DLGAP2: variants seen among roughly 807,000 people sequenced by gnomAD.
DLGAP2 encodes DLG associated protein 2, also known as disks large-associated protein 2.
A neutral mutation model predicts 100.3 loss-of-function variants in DLGAP2; 26 were observed. That is an observed-to-expected ratio of 0.26 (90% confidence interval 0.19 to 0.36). The LOEUF is 0.36. Ranked by LOEUF, DLGAP2 falls within the 10% of genes least tolerant of loss-of-function variation. The pLI, the probability that DLGAP2 is intolerant of heterozygous loss-of-function variation, is 1.00. For missense variants in DLGAP2, 1,858 were observed against 1,453.2 expected (o/e 1.28, Z -4.53); for synonymous variants, 886 against 630.1 (o/e 1.41, Z -6.08).
chr8:1,489,004 A>G (rs190920158), intron 3 of DLGAP2, among the ~76,000 whole-genome samples: 2 of 152,326 alleles, frequency 1.3e-5, no homozygotes, highest in African/African-American at 4.8e-5. Context: ...CTCAACTCGC[A>G]TTCAGCTTAA....
intron 10 of DLGAP2, among the ~76,000 whole-genome samples, chr8:1,671,930 G>A (rs1226975627): frequency 7.9e-5 from 12 of 152,248 alleles, no homozygotes; most frequent in African/African-American, 2.2e-4. Context: ...GAGCTACCTC[G>A]GAGACGTCCT....
intron 3 of DLGAP2, among the ~76,000 whole-genome samples, chr8:1,318,897 G>C (rs894447121): frequency 1.3e-5 from 2 of 150,084 alleles, no homozygotes; most frequent in African/African-American, 4.9e-5. Flanking sequence ...GAAGGGTCCA[G>C]TGGGTCCCCA....
chr8:847,339 C>T (rs577116387), intron 1 of DLGAP2, among the ~76,000 whole-genome samples: 50 of 152,068 alleles, frequency 3.3e-4, no homozygotes, highest in Middle Eastern at 3.4e-3. Context: ...TCATTGATAC[C>T]GGCTATTAGT....
chr8:1,146,347 G>T (rs1211552750), intron 2 of DLGAP2, among the ~76,000 whole-genome samples: 1 of 152,210 alleles, frequency 6.6e-6, no homozygotes, highest in Non-Finnish European at 1.5e-5. Context: ...ACGGATTCCA[G>T]ATATGAGGCC....
chr8:825,683 A>AT (rs2132693386), intron 1 of DLGAP2, among the ~76,000 whole-genome samples: 1 of 151,892 alleles, frequency 6.6e-6, no homozygotes, highest in Admixed American at 6.6e-5. Context: ...GGTCTCATTG[A>AT]TTTTCTTTTT....
intron 2 of DLGAP2, among the ~76,000 whole-genome samples, chr8:1,054,003 A>C (rs973025766): frequency 2.0e-5 from 3 of 152,020 alleles, no homozygotes; most frequent in African/African-American, 7.2e-5. Flanking sequence ...CAGTACAACA[A>C]ATGTGTTACA....
chr8:1,526,581 G>A (rs1452796172), intron 4 of DLGAP2, among the ~76,000 whole-genome samples: 1 of 152,180 alleles, frequency 6.6e-6, no homozygotes, highest in Non-Finnish European at 1.5e-5. Flanking sequence ...TTCCCGAGGA[G>A]GACGGTGGTG....
intron 6 of DLGAP2, among the ~76,000 whole-genome samples, chr8:1,582,799 T>C (rs939152646): frequency 1.3e-5 from 2 of 152,178 alleles, no homozygotes; most frequent in African/African-American, 4.8e-5. Flanking sequence ...AGTTTCACCA[T>C]GTTGGCCAGA....
intron 2 of DLGAP2, among the ~76,000 whole-genome samples, chr8:1,092,483 A>C (rs1191976896): frequency 6.6e-6 from 1 of 152,040 alleles, no homozygotes; most frequent in Non-Finnish European, 1.5e-5. Context: ...AGAGGATTTC[A>C]GGGGTAGGCA....
chr8:833,260 G>T (rs552155209), intron 1 of DLGAP2, among the ~76,000 whole-genome samples: 10 of 152,204 alleles, frequency 6.6e-5, no homozygotes, highest in African/African-American at 2.4e-4. Context: ...CCCATTTCCT[G>T]AGAGAATTCA....
In DLGAP2 at chr8:1,702,814, G is replaced by A. The variant is rs1400910305; in HGVS notation, c.*1408G>A. The A allele has an allele frequency of 6.6e-6, 1 of 152,498 alleles. No individual in the cohort carries two copies. Among genetic ancestry groups the A allele is most frequent in the Non-Finnish European group, 1.5e-5 (1 of 68,044 alleles). 9.4% of individuals were successfully genotyped at this position (152,498 alleles called of 1,614,324 possible). On this transcript the variant is annotated 3_prime_UTR_variant, in exon 15 of 15. Coordinates refer to ENST00000637795, the MANE Select transcript of DLGAP2 (RefSeq NM_001346810.2). ...GATTTTTCCATGGGTTCCAGTTTCAGAGTTCTCATTATTACTCAAAGTAAA... is the reference window on the plus strand; with the variant it reads ...GATTTTTCCATGGGTTCCAGTTTCAAAGTTCTCATTATTACTCAAAGTAAA...
intron 12 of DLGAP2, among the ~76,000 whole-genome samples, chr8:1,683,884 G>GTATACACATATATA (rs1423159250): frequency 1.8e-5 from 2 of 108,348 alleles, no homozygotes; most frequent in Non-Finnish European, 3.6e-5. Context: ...GTGTGTGTGT[G>GTATACACATATATA]TGTGTGTGTG....
At position 1,303,829 on chromosome 8, in the gene DLGAP2, G is replaced by C. The variant is rs1031805057; in HGVS notation, c.106+44946G>C. On this transcript the variant is annotated intron_variant, in intron 3 of 14. Transcript: ENST00000637795. ...CTGCGCTGCGCTGAGGAGAAGGCGGGACTCCCGGGAGGCACCCTGCAGGTC... is the reference window on the plus strand; with the variant it reads ...CTGCGCTGCGCTGAGGAGAAGGCGGCACTCCCGGGAGGCACCCTGCAGGTC... Among the ~76,000 whole-genome samples, 7 of 152,290 alleles carry C rather than the reference G, an allele frequency of 4.6e-5. No individual in the cohort carries two copies. The South Asian group carries it at 1.2e-3, about 27-fold the overall frequency.
At chr8:761,056 G>A (rs1431129756) in intron 1 of DLGAP2, among the ~76,000 whole-genome samples, 2 of 152,200 alleles carry the variant, frequency 1.3e-5, no homozygotes. Context: ...TCGAGTGTTT[G>A]CCTGTGCCGG....
intron 2 of DLGAP2, among the ~76,000 whole-genome samples, chr8:1,250,976 G>T (rs974618131): frequency 6.6e-6 from 1 of 152,176 alleles, no homozygotes; most frequent in South Asian, 2.1e-4. Flanking sequence ...TGGCACAGTG[G>T]TGAAGTCTGG....
At chr8:1,296,331 G>A (rs1383276778) in intron 3 of DLGAP2, 2 of 152,174 alleles carry the variant, frequency 1.3e-5, no homozygotes, top group Non-Finnish European at 2.9e-5. Flanking sequence ...AATTCCGAGT[G>A]CCTTAAAGAG....
intron 3 of DLGAP2, among the ~76,000 whole-genome samples, chr8:1,477,491 C>G (rs1195479337): frequency 1.3e-5 from 2 of 152,174 alleles, no homozygotes; most frequent in African/African-American, 4.8e-5. Context: ...TTTGAGGAAC[C>G]TTGCTCTTTT....
intron 2 of DLGAP2, among the ~76,000 whole-genome samples, chr8:1,188,392 G>C (rs1223962308): frequency 8.3e-6 from 1 of 121,168 alleles, no homozygotes; most frequent in African/African-American, 4.3e-5. Flanking sequence ...ACACACCCGG[G>C]ACCTCCATGA....
chr8:1,184,503 C>T (rs1322815981), intron 2 of DLGAP2, among the ~76,000 whole-genome samples: 3 of 152,170 alleles, frequency 2.0e-5, no homozygotes, highest in Admixed American at 1.3e-4. Flanking sequence ...ACCCGGGGTG[C>T]ACGCGCTGTT....
Sources: gnomAD v4.1 joint callset for allele counts (sites outside exome capture counted in the v4.1 genomes callset) on GRCh38, gnomAD v4.1.1 for gene constraint, MANE v1.5 for transcripts, NCBI Gene and HGNC (gene_info 2026-07-23, HGNC 2026-07-21) for gene names.